The following KCNQ5 variants were observed in gnomAD, a reference collection of about 807,000 sequenced individuals.
KCNQ5 encodes the protein potassium voltage-gated channel subfamily KQT member 5.
A neutral mutation model predicts 98.2 loss-of-function variants in KCNQ5; 30 were observed. The ratio of observed to expected loss-of-function variants is 0.31; its 90% CI spans 0.23 to 0.41. KCNQ5 has a LOEUF of 0.41. Among genes scored for constraint, KCNQ5 ranks in the 10% least tolerant of loss-of-function variants. KCNQ5 has a pLI of 1.00. For missense variants in KCNQ5, 835 were observed against 1,182.5 expected (o/e 0.71, Z 4.31); for synonymous variants, 458 against 449.4 (o/e 1.02, Z -0.24).
chr6:73,030,079 A>G (rs921581369), intron 2 of KCNQ5, among the ~76,000 whole-genome samples: 1 of 152,198 alleles, frequency 6.6e-6, no homozygotes, highest in Non-Finnish European at 1.5e-5. Flanking sequence ...TGAAATTATT[A>G]AAATAAAAGA....
chr6:73,118,947 G>A (rs1775629669), intron 7 of KCNQ5, among the ~76,000 whole-genome samples: 2 of 152,224 alleles, frequency 1.3e-5, no homozygotes, highest in African/African-American at 4.8e-5. Context: ...CTTGAACCCA[G>A]AAGGCAGAGG....
intron 10 of KCNQ5, among the ~76,000 whole-genome samples, chr6:73,159,876 G>GT (rs1216014147): frequency 6.6e-6 from 1 of 152,164 alleles, no homozygotes; most frequent in Admixed American, 6.5e-5. Flanking sequence ...GTAGCACCAT[G>GT]TTCTGTCTTC....
At chr6:73,106,614 A>G (rs1775012221) in intron 6 of KCNQ5, among the ~76,000 whole-genome samples, 1 of 152,186 alleles carries the variant, frequency 6.6e-6, no homozygotes, top group African/African-American at 2.4e-5. Context: ...ACTTCCTAGA[A>G]GAACACCAGT....
chr6:73,160,139 A>G (rs1054603287), intron 10 of KCNQ5, among the ~76,000 whole-genome samples: 18 of 150,874 alleles, frequency 1.2e-4, no homozygotes, highest in Non-Finnish European at 1.5e-4. Flanking sequence ...TCAGCCTCCC[A>G]AGTAGCTGGG....
At chr6:72,954,434 T>A (rs1208083915) in intron 1 of KCNQ5, among the ~76,000 whole-genome samples, 1 of 152,166 alleles carries the variant, frequency 6.6e-6, no homozygotes, top group African/African-American at 2.4e-5. Context: ...TTCCAGTGTA[T>A]CCACTTAAGG....
chr6:72,847,778 A>G (rs1025603914), intron 1 of KCNQ5, among the ~76,000 whole-genome samples: 1 of 152,170 alleles, frequency 6.6e-6, no homozygotes, highest in African/African-American at 2.4e-5. Context: ...GAGAAGGAAA[A>G]AGCAGACTAA....
At chr6:72,634,115 C>A (rs938001346) in intron 1 of KCNQ5, among the ~76,000 whole-genome samples, 2 of 152,114 alleles carry the variant, frequency 1.3e-5, no homozygotes, top group South Asian at 4.1e-4. Context: ...CTCCTCATAT[C>A]AGATGGGTAG....
chr6:73,029,196 A>G (rs928008243), intron 2 of KCNQ5, among the ~76,000 whole-genome samples: 4 of 152,208 alleles, frequency 2.6e-5, no homozygotes, highest in Non-Finnish European at 5.9e-5. Context: ...AGTCATCTCT[A>G]TCAGAGATAA....
intron 7 of KCNQ5, among the ~76,000 whole-genome samples, chr6:73,120,109 G>T (rs1775685568): frequency 6.6e-6 from 1 of 150,914 alleles, no homozygotes; most frequent in Non-Finnish European, 1.5e-5. Flanking sequence ...AGCCAGGCAT[G>T]GTGGTGGGCA....
At chr6:73,193,019 A>AT (rs66904981) in intron 13 of KCNQ5, among the ~76,000 whole-genome samples, 25,183 of 127,912 alleles carry the variant, frequency 0.2, 2,931 homozygotes, top group Middle Eastern at 0.35. Context: ...TAGGTCATTA[A>AT]TTTTTTTTTT....
At position 73,003,995 on chromosome 6, in the gene KCNQ5, C is replaced by T. The variant is rs749600978; in HGVS notation, c.486C>T (p.Ile162=). 44 of 1,579,828 alleles carry T rather than the reference C, an allele frequency of 2.8e-5. No homozygotes were observed. Among genetic ancestry groups the T allele is most frequent in the Middle Eastern group, 1.7e-4 (1 of 6,028 alleles). The part of the protein sequence containing the change: ...HTKLASSCLL[I]LEFVMIVVFG... ...AATTGGCCTCAAGTTGCCTCTTGAT[C>T]CTGGTAAGTGAAACATGAACAAGAA... The change falls in exon 2 of 14, where the codon ATC becomes ATT. Residue 162 remains isoleucine (I), a synonymous_variant. Transcript: ENST00000370398.
chr6:72,697,784 A>G (rs1040542288), intron 1 of KCNQ5, among the ~76,000 whole-genome samples: 4 of 152,206 alleles, frequency 2.6e-5, no homozygotes, highest in South Asian at 2.1e-4. Context: ...ATTGAGGTGT[A>G]ATTGGTAAAT....
At chr6:72,645,104 C>T (rs1258625677) in intron 1 of KCNQ5, among the ~76,000 whole-genome samples, 1 of 149,892 alleles carries the variant, frequency 6.7e-6, no homozygotes, top group Non-Finnish European at 1.5e-5. Context: ...CACAGTGGCT[C>T]ATGCCTGTAA....
At chr6:72,872,473 G>T (rs951990330) in intron 1 of KCNQ5, among the ~76,000 whole-genome samples, 1 of 152,128 alleles carries the variant, frequency 6.6e-6, no homozygotes, top group Admixed American at 6.6e-5. Flanking sequence ...TAGCAATCAT[G>T]GCTGGTACTT....
chr6:72,894,520 C>T (rs1779171319), intron 1 of KCNQ5, among the ~76,000 whole-genome samples: 1 of 152,200 alleles, frequency 6.6e-6, no homozygotes, highest in East Asian at 1.9e-4. Flanking sequence ...CAAGAAAAGT[C>T]ACAAAACAAA....
At chr6:72,998,520 G>A (rs1427719722) in intron 1 of KCNQ5, among the ~76,000 whole-genome samples, 2 of 152,050 alleles carry the variant, frequency 1.3e-5, no homozygotes, top group Admixed American at 6.6e-5. Flanking sequence ...CGGATTATGA[G>A]GTCAGGAGAT....
At chr6:72,900,911 C>A (rs1011600565) in intron 1 of KCNQ5, among the ~76,000 whole-genome samples, 1 of 152,000 alleles carries the variant, frequency 6.6e-6, no homozygotes, top group Admixed American at 6.6e-5. Flanking sequence ...CGATTTTGAG[C>A]ATTTGTTCAT....
In KCNQ5 at chr6:72,790,286, G is replaced by A. The variant is rs988696447; in HGVS notation, c.398+167699G>A. Among the ~76,000 whole-genome samples the A allele has an allele frequency of 4.6e-5, 7 of 152,182 alleles. No individual in the cohort carries two copies. In the South Asian group the frequency reaches 6.2e-4, roughly 13 times the overall value. On this transcript the variant is annotated intron_variant, in intron 1 of 13. Coordinates refer to ENST00000370398, the MANE Select transcript of KCNQ5 (RefSeq NM_019842.4). ...AATGATAAGGCCACTAAAGCCCAGA[G>A]AAGCCATATCCAACATCACTTGAGC...
intron 1 of KCNQ5, 66 bp from the exon 2 acceptor site, chr6:73,003,842 C>A: frequency 9.2e-7 from 1 of 1,085,772 alleles, no homozygotes; most frequent in Non-Finnish European, 1.4e-6. Context: ...TCATTTGAAG[C>A]AAGAAATTAA....
Sources: gnomAD v4.1 joint callset for allele counts (sites outside exome capture counted in the v4.1 genomes callset) on GRCh38, gnomAD v4.1.1 for gene constraint, MANE v1.5 for transcripts, NCBI Gene and HGNC (gene_info 2026-07-23, HGNC 2026-07-21) for gene names.